The following DDX42 variants were observed in gnomAD, a reference collection of about 807,000 sequenced individuals.
The protein encoded by DDX42 is DEAD-box helicase 42.
A neutral mutation model predicts 101.5 loss-of-function variants in DDX42; 22 were observed. The observed-to-expected ratio is 0.22, with a 90% CI of 0.15 to 0.31. The LOEUF (loss-of-function observed/expected upper bound fraction) is 0.31, where lower values mean the gene tolerates loss of function less well. Ranked by LOEUF, DDX42 falls within the 10% of genes least tolerant of loss-of-function variation. The pLI, the probability that DDX42 is intolerant of heterozygous loss-of-function variation, is 1.00. For missense variants in DDX42, 849 were observed against 1,199.9 expected (o/e 0.71, Z 4.32); for synonymous variants, 402 against 401.2 (o/e 1.00, Z -0.02).
rs1049360304 is a variant in DDX42 at position 63,787,220 on chromosome 17, T to A, written c.171T>A (p.Pro57=). The A allele has an allele frequency of 1.9e-6, 3 of 1,614,222 alleles. No homozygotes were observed. Among genetic ancestry groups the A allele is most frequent in the Non-Finnish European group, 2.5e-6 (3 of 1,180,018 alleles). ...GAAAGTCAGCTCCACCACAGCTTCC[T>A]TCTTTCTACAAAATTGGATCTAAGC... is the stretch of plus-strand genomic sequence containing the variant. ...GFGKSAPPQL[P]SFYKIGSKRA... is the part of the protein sequence containing the mutation. The change falls in exon 2 of 18, where the codon CCT becomes CCA. Residue 57 remains proline (P), a synonymous_variant. Transcript: ENST00000389924.
At chr17:63,815,177 T>C (rs965488332) in intron 15 of DDX42, among the ~76,000 whole-genome samples, 1 of 152,226 alleles carries the variant, frequency 6.6e-6, no homozygotes. Flanking sequence ...ATACCAGTTG[T>C]TTAAGTTCCA....
At chr17:63,795,701 CAA>C (rs2039684996) in intron 3 of DDX42, among the ~76,000 whole-genome samples, 1 of 152,116 alleles carries the variant, frequency 6.6e-6, no homozygotes, top group Admixed American at 6.5e-5. Context: ...TATCAGAAAA[CAA>C]AAGACTCAGG....
rs2039640108 is a variant in DDX42 at position 63,792,450 on chromosome 17, A to C, written c.260A>C (p.Asp87Ala). The change falls in exon 3 of 18, where the codon GAT becomes GCT. Residue 87 changes from aspartate (D) to alanine (A), a missense_variant. Physicochemically the swap from Asp to Ala is moderately radical, Grantham distance 126. Coordinates refer to ENST00000389924, the MANE Select transcript of DDX42 (RefSeq NM_203499.3). ...GAGGAAGAAGATTCTAGCAACGTTG[A>C]TTTACCTTACATTCCTGCTGAAAAC... ...EDEEEDSSNV[D>A]LPYIPAENSP... is the part of the protein sequence containing the mutation. 3 of 1,613,294 alleles carry C rather than the reference A, an allele frequency of 1.9e-6. No individual in the cohort carries two copies. In the East Asian group the frequency reaches 6.7e-5, roughly 36 times the overall value.
At chr17:63,777,264 C>A (rs1421008901) in intron 1 of DDX42, among the ~76,000 whole-genome samples, 1 of 152,042 alleles carries the variant, frequency 6.6e-6, no homozygotes, top group African/African-American at 2.4e-5. Flanking sequence ...GCCATCTTGA[C>A]TGTTTCTCTT....
In DDX42 at chr17:63,817,824, G is replaced by C; in HGVS notation, c.2243G>C (p.Gly748Ala). 2 of 1,614,152 alleles carry C rather than the reference G, an allele frequency of 1.2e-6. No homozygotes were observed. The highest frequency in any genetic ancestry group is 1.7e-6 in the Non-Finnish European group (2 of 1,180,030). ...GTTCCAACTAACTCAGCACAACAGG[G>C]CCATAACAGTCCTGACAGCCCCGTC... The part of the protein sequence containing the change: ...NSVPTNSAQQ[G>A]HNSPDSPVTS... Residue 748 changes from glycine (G) to alanine (A), a missense_variant, in exon 18 of 18, where the codon GGC (glycine) becomes GCC (alanine). Around this residue, in one of 5 missense-constraint regions of DDX42, gnomAD observed 300 missense variants for 304.9 expected, o/e 0.98. Coordinates refer to ENST00000389924, the MANE Select transcript of DDX42 (RefSeq NM_203499.3).
chr17:63,789,553 GTTTTTGTTTTTGTTTTTGTTTTTTTTT>G (rs2039596389), intron 2 of DDX42, among the ~76,000 whole-genome samples: 1 of 28,656 alleles, frequency 3.5e-5, no homozygotes, highest in African/African-American at 9.5e-5. Context: ...AGACTTTTTT[GTTTTTGTTTTTGTTTTTGTTTTTTTTT>G]TTTTTTTTTT....
rs747810034 is a variant in DDX42 at position 63,817,699 on chromosome 17, G to A, written c.2118G>A (p.Gln706=). Reference sequence around the variant, plus strand: ...GATGTCTCTTTCTCTTTCAGTCACAGTACAAGAGTCACTTTGTTGCAGCCA... The same window carrying A: ...GATGTCTCTTTCTCTTTCAGTCACAATACAAGAGTCACTTTGTTGCAGCCA... ...LTAMKAAFQS[Q]YKSHFVAASL... Residue 706 remains glutamine (Q), a synonymous_variant, in exon 18 of 18, where the codon CAG becomes CAA. Coordinates refer to ENST00000389924, the MANE Select transcript of DDX42 (RefSeq NM_203499.3). 3 of 1,614,016 alleles carry A rather than the reference G, an allele frequency of 1.9e-6. No homozygotes were observed. The highest frequency in any genetic ancestry group is 2.2e-5 in the South Asian group (2 of 91,072).
chr17:63,813,876 A>G (rs1332807755), intron 15 of DDX42, among the ~76,000 whole-genome samples: 5 of 151,766 alleles, frequency 3.3e-5, no homozygotes, highest in East Asian at 1.9e-4. Context: ...ATCTCACTCT[A>G]TCGCCCAGGC....
intron 1 of DDX42, among the ~76,000 whole-genome samples, chr17:63,778,897 C>T (rs1239353834): frequency 6.6e-6 from 1 of 152,066 alleles, no homozygotes; most frequent in Non-Finnish European, 1.5e-5. Flanking sequence ...CCTCGGCCTC[C>T]CAATAATCAG....
intron 1 of DDX42, among the ~76,000 whole-genome samples, chr17:63,779,250 GT>G (rs1012523814): frequency 2.0e-5 from 3 of 151,754 alleles, no homozygotes; most frequent in African/African-American, 7.3e-5. Context: ...CCCCAAGTGT[GT>G]TTTTTTTGTT....
In DDX42 at chr17:63,784,275, A is replaced by G. The variant is rs1033248314; in HGVS notation, c.-16-2759A>G. Among the ~76,000 whole-genome samples the G allele has an allele frequency of 8.5e-5, 13 of 152,366 alleles. 1 individual carries two copies. In the South Asian group the frequency reaches 2.7e-3, roughly 32 times the overall value. The stretch of plus-strand genomic sequence containing the variant: ...TCAAAGCTAGTGGAAATTAAAATTA[A>G]AGTAAACATTTTAATTTTTCTTACT... On this transcript the variant is annotated intron_variant, in intron 1 of 17. Transcript: ENST00000389924.
At chr17:63,789,578 T>G (rs1343950613) in intron 2 of DDX42, among the ~76,000 whole-genome samples, 8 of 106,778 alleles carry the variant, frequency 7.5e-5, no homozygotes, top group African/African-American at 1.8e-4. Flanking sequence ...TTTGTTTTTT[T>G]TTTTTTTTTT....
chr17:63,784,857 G>C (rs1276972977), intron 1 of DDX42, among the ~76,000 whole-genome samples: 1 of 152,048 alleles, frequency 6.6e-6, no homozygotes, highest in African/African-American at 2.4e-5. Flanking sequence ...AATAATTGAA[G>C]GTATGCACAA....
At chr17:63,783,326 C>G (rs932843954) in intron 1 of DDX42, among the ~76,000 whole-genome samples, 3 of 152,166 alleles carry the variant, frequency 2.0e-5, no homozygotes, top group Non-Finnish European at 4.4e-5. Flanking sequence ...TTGTGTGATT[C>G]TTAAAATCCA....
Position 63,807,801 on chromosome 17 carries a change from T to C in DDX42, c.924T>C (p.Ile308=), listed in dbSNP as rs1482507738. 1 of 1,614,164 alleles carries C rather than the reference T, an allele frequency of 6.2e-7. No homozygotes were observed. The highest frequency in any genetic ancestry group is 8.5e-7 in the Non-Finnish European group (1 of 1,180,024). ...GTAGTGGGAAAACTGCAGCCTTCAT[T>C]TGGCCCATGTTGATTCATATAATGG... The part of the protein sequence containing the change: ...KTGSGKTAAF[I]WPMLIHIMDQ... The change falls in exon 9 of 18, where the codon ATT becomes ATC. Residue 308 remains isoleucine (I), a synonymous_variant. Coordinates refer to ENST00000389924, the MANE Select transcript of DDX42 (RefSeq NM_203499.3).
At chr17:63,799,647 C>T in intron 5 of DDX42, 22 bp downstream of exon 5, 2 of 1,608,664 alleles carry the variant, frequency 1.2e-6, no homozygotes, top group Non-Finnish European at 1.7e-6. Context: ...TGCAGTATTT[C>T]TATCTTTTAT....
rs1343736283 is a variant in DDX42, at chr17:63,818,701, A to G, written c.*303A>G. On this transcript the variant is annotated 3_prime_UTR_variant, in exon 18 of 18. Transcript: ENST00000389924. Reference sequence around the variant, plus strand: ...TCTTCTAGGGCACAAAACTCACTCTAGGTTTATATTGTATGTAGCTTATAT... The same window carrying G: ...TCTTCTAGGGCACAAAACTCACTCTGGGTTTATATTGTATGTAGCTTATAT... The G allele has an allele frequency of 2.5e-5, 8 of 313,802 alleles. No homozygotes were observed. Among genetic ancestry groups the G allele is most frequent in the South Asian group, 1.0e-4 (2 of 19,072 alleles). 19.4% of individuals were successfully genotyped at this position (313,802 alleles called of 1,614,324 possible).
chr17:63,817,032 T>C (rs562480574), intron 17 of DDX42, 66 bp downstream of exon 17: 2 of 1,415,896 alleles, frequency 1.4e-6, no homozygotes, highest in East Asian at 4.8e-5. Flanking sequence ...CAGAGGGGCT[T>C]AGTTTTCCTG....
Position 63,808,887 on chromosome 17 carries a change from G to A in DDX42, c.1091G>A (p.Gly364Glu). 6.2e-7 allele frequency: 1 copy of A among 1,614,068 alleles called. No individual in the cohort carries two copies. The highest frequency in any genetic ancestry group is 8.5e-7 in the Non-Finnish European group (1 of 1,179,978). ...CGATCAGTGGCCGTATATGGAGGAG[G>A]GAGTATGTGGGAGCAGGCCAAGGCC... ...NLRSVAVYGG[G>E]SMWEQAKALQ... Residue 364 changes from glycine (G) to glutamate (E), a missense_variant, in exon 10 of 18, where the codon GGG becomes GAG. By Grantham distance (98) the Gly-to-Glu change is moderately conservative. This residue lies in a region of DDX42 where 370 missense variants were observed against 608.8 expected (regional missense o/e 0.61). Transcript: ENST00000389924.
Sources: allele counts gnomAD v4.1 joint callset (sites outside exome capture counted in the v4.1 genomes callset), GRCh38; gene constraint gnomAD v4.1.1; regional missense constraint gnomAD v4.1.1; transcripts MANE v1.5; gene names NCBI Gene and HGNC (gene_info 2026-07-23, HGNC 2026-07-21).